GRID2: variants seen among roughly 807,000 people sequenced by gnomAD.
GRID2 encodes glutamate receptor ionotropic, delta-2.
A neutral mutation model predicts 114.8 loss-of-function variants in GRID2; 33 were observed. That is an observed-to-expected ratio of 0.29 (90% CI 0.22 to 0.38). GRID2 has a LOEUF of 0.38. Ranked by LOEUF, GRID2 falls within the 10% of genes least tolerant of loss-of-function variation. GRID2 has a pLI of 1.00. For missense variants in GRID2, 1,184 were observed against 1,257.7 expected, an observed-to-expected ratio of 0.94 and a Z score of 0.89; for synonymous variants, 505 against 449.9, an observed-to-expected ratio of 1.12 and a Z score of -1.55.
At chr4:92,810,779 T>C (rs1740629548) in intron 2 of GRID2, among the ~76,000 whole-genome samples, 2 of 152,112 alleles carry the variant, frequency 1.3e-5, no homozygotes, top group Admixed American at 1.3e-4. Context: ...CTTAAATTTT[T>C]ATTTCGTACT....
At chr4:92,934,718 C>T (rs1234817978) in intron 2 of GRID2, among the ~76,000 whole-genome samples, 3 of 146,424 alleles carry the variant, frequency 2.0e-5, no homozygotes, top group Non-Finnish European at 3.0e-5. Flanking sequence ...GAACAGAGCC[C>T]TCAGAAATAA....
intron 2 of GRID2, among the ~76,000 whole-genome samples, chr4:93,044,705 C>A (rs1000751546): frequency 6.6e-6 from 1 of 152,016 alleles, no homozygotes; most frequent in African/African-American, 2.4e-5. Context: ...TTACAAGGTG[C>A]ATAAGTGATC....
rs530011714 is a variant in GRID2 at position 93,194,039 on chromosome 4, G to A, written c.736-13365G>A. On this transcript the variant is annotated intron_variant, in intron 4 of 15. Transcript: ENST00000282020. ...CTTTATCTGCCTGGAGTTAGTTGAA[G>A]CAAGCTTTGACAAGTCATTTATTTA... Among the ~76,000 whole-genome samples the A allele has an allele frequency of 4.7e-4, 72 of 152,266 alleles. 1 individual carries two copies. Among genetic ancestry groups the A allele is most frequent in the African/African-American group, 1.6e-3 (68 of 41,556 alleles).
In GRID2 at chr4:92,745,440, T is replaced by C. The variant is rs1425370301; in HGVS notation, c.244+155154T>C. Among the ~76,000 whole-genome samples the C allele has an allele frequency of 3.3e-5, 5 of 152,288 alleles. No individual in the cohort carries two copies. The East Asian group carries it at 9.6e-4, about 29-fold the overall frequency. On this transcript the variant is annotated intron_variant, in intron 2 of 15. Transcript: ENST00000282020. Reference sequence around the variant, plus strand: ...GGCATATTGTATAGACACACACACATACCTATAGGTCCATGTTTATACTGT... The same window carrying C: ...GGCATATTGTATAGACACACACACACACCTATAGGTCCATGTTTATACTGT...
intron 7 of GRID2, among the ~76,000 whole-genome samples, chr4:93,233,833 G>A (rs1746441789): frequency 1.3e-5 from 2 of 152,114 alleles, no homozygotes; most frequent in Non-Finnish European, 2.9e-5. Flanking sequence ...AGATATCCTT[G>A]AGGATATTTA....
At chr4:92,306,435 C>T (rs755440200) in intron 1 of GRID2, among the ~76,000 whole-genome samples, 4 of 152,158 alleles carry the variant, frequency 2.6e-5, no homozygotes, top group Non-Finnish European at 5.9e-5. Flanking sequence ...CAGAAATGAA[C>T]TATGCTCCTT....
chr4:93,694,368 C>G (rs1228627509), intron 14 of GRID2, among the ~76,000 whole-genome samples: 1 of 152,120 alleles, frequency 6.6e-6, no homozygotes. Context: ...CTTACTGTTT[C>G]CATTCAGTAG....
At chr4:93,253,439 A>G (rs919824536) in intron 8 of GRID2, among the ~76,000 whole-genome samples, 1 of 152,170 alleles carries the variant, frequency 6.6e-6, no homozygotes, top group South Asian at 2.1e-4. Flanking sequence ...ATCGTTTTAA[A>G]TAAAATTTAT....
chr4:92,669,178 G>A (rs925218562), intron 2 of GRID2, among the ~76,000 whole-genome samples: 1 of 151,888 alleles, frequency 6.6e-6, no homozygotes, highest in Non-Finnish European at 1.5e-5. Flanking sequence ...AAGAGTTAAA[G>A]TTCTATTCAT....
chr4:92,880,734 A>T (rs75983385), intron 2 of GRID2, among the ~76,000 whole-genome samples: 4,434 of 151,966 alleles, frequency 0.029, 136 homozygotes, highest in East Asian at 0.075. Context: ...TTCCTTTTTT[A>T]TTTTGGACAT....
At chr4:92,400,730 C>A (rs531068331) in intron 1 of GRID2, among the ~76,000 whole-genome samples, 1 of 152,020 alleles carries the variant, frequency 6.6e-6, no homozygotes. Flanking sequence ...ACCATTAACG[C>A]ATGAAGGTTC....
At chr4:92,385,334 A>G (rs1417886396) in intron 1 of GRID2, among the ~76,000 whole-genome samples, 1 of 151,802 alleles carries the variant, frequency 6.6e-6, no homozygotes, top group Non-Finnish European at 1.5e-5. Context: ...TGTTGTTAGT[A>G]TTATTTGCTA....
At chr4:92,883,660 G>C (rs547406965) in intron 2 of GRID2, among the ~76,000 whole-genome samples, 1 of 152,274 alleles carries the variant, frequency 6.6e-6, no homozygotes, top group Non-Finnish European at 1.5e-5. Flanking sequence ...AAAACAATGT[G>C]AGTCTTCTTG....
In GRID2 at chr4:93,514,970, C is replaced by T. The variant is rs77657174; in HGVS notation, c.1998-246C>T. On this transcript the variant is annotated intron_variant, in intron 12 of 15. Transcript: ENST00000282020. ...GCTTCACAAAGAAAGCATTGCATTA[C>T]CACTAGACGTTTTCACTTTTCCTTC... Among the ~76,000 whole-genome samples, 373 of 152,242 alleles carry T rather than the reference C, an allele frequency of 2.5e-3. 7 individuals carry two copies. The East Asian group carries it at 0.056, about 23-fold the overall frequency.
intron 1 of GRID2, among the ~76,000 whole-genome samples, chr4:92,332,437 T>A (rs1341394251): frequency 6.6e-6 from 1 of 152,180 alleles, no homozygotes; most frequent in Non-Finnish European, 1.5e-5. Flanking sequence ...GGAATAAGTT[T>A]CCAACACATG....
At chr4:93,105,183 G>T (rs1397681300) in intron 3 of GRID2, among the ~76,000 whole-genome samples, 3 of 152,100 alleles carry the variant, frequency 2.0e-5, no homozygotes, top group Non-Finnish European at 4.4e-5. Context: ...ATTTGTTTGA[G>T]TTCATTGTAG....
At chr4:92,971,746 T>C (rs1753536405) in intron 2 of GRID2, among the ~76,000 whole-genome samples, 1 of 152,052 alleles carries the variant, frequency 6.6e-6, no homozygotes, top group South Asian at 2.1e-4. Flanking sequence ...CCTGCTTCCA[T>C]GAGCTCAATT....
At chr4:92,869,293 C>T (rs984970959) in intron 2 of GRID2, among the ~76,000 whole-genome samples, 2 of 152,068 alleles carry the variant, frequency 1.3e-5, no homozygotes, top group Non-Finnish European at 2.9e-5. Context: ...AGTGTAATCA[C>T]GATGAAATGG....
intron 13 of GRID2, among the ~76,000 whole-genome samples, chr4:93,524,116 C>T (rs1289856756): frequency 6.6e-6 from 1 of 152,020 alleles, no homozygotes; most frequent in Non-Finnish European, 1.5e-5. Context: ...AGGTATATGA[C>T]CTCAAAATCT....
Sources: gnomAD v4.1 joint callset for allele counts (sites outside exome capture counted in the v4.1 genomes callset) on GRCh38, gnomAD v4.1.1 for gene constraint, MANE v1.5 for transcripts, NCBI Gene and HGNC (gene_info 2026-07-23, HGNC 2026-07-21) for gene names.